CA8: variants seen among roughly 807,000 people sequenced by gnomAD.
The protein encoded by CA8 is carbonic anhydrase 8 (inactive).
CA8 carries 22 observed loss-of-function variants against 41.4 expected under a neutral mutation model. The observed-to-expected ratio is 0.53, with a 90% CI of 0.38 to 0.76. The LOEUF is 0.76. Ranked by LOEUF, CA8 falls within the 30% of genes least tolerant of loss-of-function variation. The probability of loss-of-function intolerance (pLI) is 0.00; values close to 1 mark genes in which losing one functional copy is unlikely to be tolerated. For synonymous variants in CA8, 121 were observed against 130.6 expected (o/e 0.93, Z 0.50); for missense variants, 270 against 352.8 (o/e 0.77, Z 1.88).
intron 2 of CA8, among the ~76,000 whole-genome samples, chr8:60,275,851 A>C (rs1804214789): frequency 6.6e-6 from 1 of 152,170 alleles, no homozygotes; most frequent in African/African-American, 2.4e-5. Context: ...AAAAAAGAGA[A>C]GAGACACATA....
chr8:60,209,618 G>C (rs969226569), intron 7 of CA8, among the ~76,000 whole-genome samples: 1 of 152,186 alleles, frequency 6.6e-6, no homozygotes, highest in Admixed American at 6.5e-5. Flanking sequence ...TTATGTTACT[G>C]TATGTAAACA....
chr8:60,229,865 T>C (rs551731968), intron 4 of CA8, among the ~76,000 whole-genome samples: 1 of 152,284 alleles, frequency 6.6e-6, no homozygotes, highest in South Asian at 2.1e-4. Context: ...CTCCATTCTT[T>C]AATCCTTTTA....
intron 5 of CA8, 122 bp from the exon 6 acceptor site, chr8:60,224,707 C>A (rs1007710343): frequency 1.2e-5 from 8 of 681,508 alleles, no homozygotes; most frequent in South Asian, 8.2e-5. Context: ...TCAGGTCCCA[C>A]AGACTTGTGG....
chr8:60,240,946 G>GA (rs1158172592), intron 3 of CA8, among the ~76,000 whole-genome samples: 3 of 151,994 alleles, frequency 2.0e-5, no homozygotes. Flanking sequence ...GTAAGCACTG[G>GA]AAAAAGAAGG....
intron 3 of CA8, among the ~76,000 whole-genome samples, chr8:60,244,244 T>C (rs1031154818): frequency 7.9e-5 from 12 of 152,132 alleles, no homozygotes; most frequent in Admixed American, 7.2e-4. Flanking sequence ...TGCCTTAGTT[T>C]CAAGATCCAT....
chr8:60,265,606 T>A (rs566404184), intron 3 of CA8: 5 of 342,420 alleles, frequency 1.5e-5, no homozygotes, highest in Admixed American at 4.4e-5. Context: ...TCGTCACCTA[T>A]CCAAAGCATC....
chr8:60,234,875 C>T (rs1807777902), intron 3 of CA8, among the ~76,000 whole-genome samples: 1 of 152,184 alleles, frequency 6.6e-6, no homozygotes, highest in African/African-American at 2.4e-5. Flanking sequence ...CTCTCATTTT[C>T]AGGCCAAACA....
intron 2 of CA8, among the ~76,000 whole-genome samples, chr8:60,272,739 C>T (rs1456914007): frequency 6.6e-6 from 1 of 152,238 alleles, no homozygotes; most frequent in African/African-American, 2.4e-5. Context: ...CCATGACCTA[C>T]CATTGTATCC....
chr8:60,209,821 T>C (rs1014481993), intron 7 of CA8, among the ~76,000 whole-genome samples: 8 of 152,202 alleles, frequency 5.3e-5, no homozygotes, highest in African/African-American at 1.7e-4. Flanking sequence ...CCAGGTCCCA[T>C]GGCTTCCCCA....
intron 5 of CA8, 150 bp from the exon 6 acceptor site, chr8:60,224,735 CT>C: frequency 1.6e-6 from 1 of 631,478 alleles, no homozygotes; most frequent in Non-Finnish European, 2.8e-6. Flanking sequence ...CTTCCACCTT[CT>C]CATTGGAGTA....
chr8:60,246,911 T>A (rs1208064240), intron 3 of CA8, among the ~76,000 whole-genome samples: 1 of 135,928 alleles, frequency 7.4e-6, no homozygotes, highest in South Asian at 2.5e-4. Flanking sequence ...TGAGATGGAG[T>A]CTTGCTCTGT....
chr8:60,233,504 G>C (rs1420119617), intron 3 of CA8, among the ~76,000 whole-genome samples: 2 of 152,214 alleles, frequency 1.3e-5, no homozygotes, highest in Admixed American at 6.5e-5. Context: ...CAGGCTGTGA[G>C]GCTGTGAAAA....
intron 3 of CA8, 28 bp downstream of exon 3, chr8:60,265,896 AT>A (rs769768308): frequency 6.2e-7 from 1 of 1,612,398 alleles, no homozygotes; most frequent in Non-Finnish European, 8.5e-7. Context: ...AGAAAACAAG[AT>A]TTTTACAAGA....
intron 7 of CA8, among the ~76,000 whole-genome samples, chr8:60,221,037 T>G (rs1807227337): frequency 6.6e-6 from 1 of 152,204 alleles, no homozygotes; most frequent in Non-Finnish European, 1.5e-5. Context: ...GAGCATGAAA[T>G]AAATTTCTAC....
intron 8 of CA8, among the ~76,000 whole-genome samples, chr8:60,197,001 G>C (rs1471764325): frequency 3.3e-5 from 5 of 152,122 alleles, no homozygotes; most frequent in African/African-American, 1.2e-4. Context: ...GATTGGCAAG[G>C]ATGAAAAATT....
At chr8:60,248,832 C>T (rs950955869) in intron 3 of CA8, among the ~76,000 whole-genome samples, 4 of 151,832 alleles carry the variant, frequency 2.6e-5, no homozygotes, top group Non-Finnish European at 5.9e-5. Flanking sequence ...ATATATAATG[C>T]TATATAAATT....
chr8:60,231,442 TA>T (rs1027777302), intron 4 of CA8, among the ~76,000 whole-genome samples: 1 of 152,096 alleles, frequency 6.6e-6, no homozygotes, highest in Non-Finnish European at 1.5e-5. Context: ...ATATATGCCA[TA>T]AAAAAACAAG....
At chr8:60,200,732 ACC>A (rs1806400167) in intron 8 of CA8, among the ~76,000 whole-genome samples, 6 of 150,462 alleles carry the variant, frequency 4.0e-5, no homozygotes, top group African/African-American at 1.5e-4. Flanking sequence ...ACAATAACTA[ACC>A]ACCACAATCC....
chr8:60,230,353 T>C (rs1428321997), intron 4 of CA8, among the ~76,000 whole-genome samples: 1 of 152,208 alleles, frequency 6.6e-6, no homozygotes, highest in Non-Finnish European at 1.5e-5. Flanking sequence ...AATCTCTATG[T>C]CTGCAATAGC....
Sources: gnomAD v4.1 joint callset for allele counts (sites outside exome capture counted in the v4.1 genomes callset) on GRCh38, gnomAD v4.1.1 for gene constraint, MANE v1.5 for transcripts, NCBI Gene and HGNC (gene_info 2026-07-23, HGNC 2026-07-21) for gene names.